Variants in IL7 observed in about 807,000 individuals in gnomAD.
IL7 encodes the protein interleukin-7.
IL7 carries 3 observed loss-of-function variants against 21.6 expected under a neutral mutation model. That is an observed-to-expected ratio of 0.14 (90% CI 0.06 to 0.36). IL7 has a LOEUF of 0.36. IL7 is among the 10% of genes least tolerant of loss of function. The pLI is 1.00. For missense variants in IL7, 175 were observed against 200.2 expected (o/e 0.87, Z 0.76); for synonymous variants, 62 against 68.1 (o/e 0.91, Z 0.44).
At chr8:78,696,161 A>G (rs1810404356) in intron 3 of IL7, among the ~76,000 whole-genome samples, 1 of 151,816 alleles carries the variant, frequency 6.6e-6, no homozygotes, top group Non-Finnish European at 1.5e-5. Flanking sequence ...CAGCCTCCTG[A>G]GTAGCTGGGA....
At chr8:78,769,571 G>C (rs904306347) in intron 2 of IL7, among the ~76,000 whole-genome samples, 1 of 152,130 alleles carries the variant, frequency 6.6e-6, no homozygotes, top group African/African-American at 2.4e-5. Context: ...CATGCTCATG[G>C]GTAGGAAGAA....
At chr8:78,698,793 G>A (rs555604528) in intron 3 of IL7, among the ~76,000 whole-genome samples, 15 of 152,176 alleles carry the variant, frequency 9.9e-5, no homozygotes, top group South Asian at 8.3e-4. Context: ...AAATGTTGAC[G>A]ATTTTTATAC....
chr8:78,785,751 A>G (rs1813489199), intron 2 of IL7, among the ~76,000 whole-genome samples: 1 of 152,182 alleles, frequency 6.6e-6, no homozygotes, highest in South Asian at 2.1e-4. Flanking sequence ...TTAAATTTAA[A>G]GTGGACCACT....
chr8:78,754,180 G>T (rs183250422), intron 2 of IL7, among the ~76,000 whole-genome samples: 399 of 152,210 alleles, frequency 2.6e-3, no homozygotes, highest in African/African-American at 9.2e-3. Flanking sequence ...TCCTTAAGCT[G>T]ATAAGCAACT....
chr8:78,798,439 A>G (rs1813937140), intron 1 of IL7, among the ~76,000 whole-genome samples: 1 of 152,056 alleles, frequency 6.6e-6, no homozygotes, highest in Non-Finnish European at 1.5e-5. Context: ...TCTTTAGGAA[A>G]GTGCAAAACA....
chr8:78,731,417 T>C (rs973184748), downstream of IL7, among the ~76,000 whole-genome samples: 2 of 151,958 alleles, frequency 1.3e-5, no homozygotes, highest in African/African-American at 2.4e-5. Flanking sequence ...TATATTACTA[T>C]TAAATTTTTT....
chr8:78,728,442 A>G (rs1811370804), downstream of IL7, among the ~76,000 whole-genome samples: 3 of 152,192 alleles, frequency 2.0e-5, no homozygotes, highest in South Asian at 4.1e-4. Flanking sequence ...AGAACAGAGC[A>G]GAGCAGAGCA....
intron 2 of IL7, among the ~76,000 whole-genome samples, chr8:78,784,968 C>A (rs1813462771): frequency 6.6e-6 from 1 of 152,018 alleles, no homozygotes. Flanking sequence ...TGAACAACAT[C>A]TTGTCTAGGT....
At chr8:78,749,942 G>T (rs1009907330) in intron 2 of IL7, among the ~76,000 whole-genome samples, 4 of 151,956 alleles carry the variant, frequency 2.6e-5, no homozygotes, top group Non-Finnish European at 5.9e-5. Context: ...GTTGAAATAG[G>T]AGCATCACTT....
At chr8:78,722,957 C>G (rs1586042369) in intron 3 of IL7, among the ~76,000 whole-genome samples, 1 of 151,392 alleles carries the variant, frequency 6.6e-6, no homozygotes, top group Non-Finnish European at 1.5e-5. Context: ...AGATAGCAAT[C>G]AAACATATAA....
At chr8:78,690,358 A>G (rs1346687645) in intron 3 of IL7, among the ~76,000 whole-genome samples, 1 of 152,176 alleles carries the variant, frequency 6.6e-6, no homozygotes, top group African/African-American at 2.4e-5. Flanking sequence ...CAGGAGATAA[A>G]GACCATCCTG....
chr8:78,759,567 C>A (rs1447709496), intron 2 of IL7, among the ~76,000 whole-genome samples: 1 of 152,124 alleles, frequency 6.6e-6, no homozygotes, highest in Admixed American at 6.5e-5. Context: ...AGATGTGGAA[C>A]AACAGCAGGC....
intron 1 of IL7, among the ~76,000 whole-genome samples, chr8:78,799,674 TC>T (rs1194342096): frequency 6.6e-6 from 1 of 152,026 alleles, no homozygotes; most frequent in Non-Finnish European, 1.5e-5. Context: ...TTTATAAATA[TC>T]CAAAAAGTTC....
At chr8:78,737,114 A>G (rs2130676626) in intron 4 of IL7, among the ~76,000 whole-genome samples, 1 of 152,230 alleles carries the variant, frequency 6.6e-6, no homozygotes, top group East Asian at 1.9e-4. Context: ...CTCTACAGTT[A>G]ATTTTGGAAC....
At chr8:78,721,000 A>C (rs1182223130) in intron 5 of IL7, 1 of 151,964 alleles carries the variant, frequency 6.6e-6, no homozygotes, top group East Asian at 1.9e-4. Context: ...AGGTGCACAA[A>C]GCTAAAGCTT....
At chr8:78,676,228 A>G (rs1176630493) in intron 4 of IL7, 1 of 156,398 alleles carries the variant, frequency 6.4e-6, no homozygotes, top group East Asian at 1.8e-4. Context: ...TCAGGAAAAA[A>G]TCAGGGATAG....
intron 2 of IL7, among the ~76,000 whole-genome samples, chr8:78,763,140 G>T (rs1812635088): frequency 6.6e-6 from 1 of 152,224 alleles, no homozygotes; most frequent in Non-Finnish European, 1.5e-5. Flanking sequence ...CACAAGCACT[G>T]TCAGTGGTGA....
intron 2 of IL7, among the ~76,000 whole-genome samples, chr8:78,759,069 CT>C (rs1245715993): frequency 9.4e-5 from 14 of 148,242 alleles, no homozygotes; most frequent in Non-Finnish European, 1.6e-4. Context: ...CCCCCCCCAC[CT>C]TTTTTTTTAA....
chr8:78,765,211 G>C (rs926206337), intron 2 of IL7, among the ~76,000 whole-genome samples: 1 of 151,990 alleles, frequency 6.6e-6, no homozygotes, highest in Non-Finnish European at 1.5e-5. Context: ...AATGTAAAAT[G>C]CAAGATTATA....
Sources: gnomAD v4.1 joint callset for allele counts (sites outside exome capture counted in the v4.1 genomes callset) on GRCh38, gnomAD v4.1.1 for gene constraint, MANE v1.5 for transcripts, NCBI Gene and HGNC (gene_info 2026-07-23, HGNC 2026-07-21) for gene names.